PCDHGA5: variants seen among roughly 807,000 people sequenced by gnomAD.
PCDHGA5 encodes the protein protocadherin gamma-A5.
In PCDHGA5, 36 loss-of-function variants were observed where a neutral mutation model predicts 56.7. The ratio of observed to expected loss-of-function variants is 0.64; its 90% CI spans 0.49 to 0.84. The LOEUF is 0.84. Among genes scored for constraint, PCDHGA5 ranks in the 40% least tolerant of loss-of-function variants. PCDHGA5 has a pLI of 0.00. For synonymous variants in PCDHGA5, 563 were observed against 520.2 expected (o/e 1.08, Z -1.12); for missense variants, 1,305 against 1,201.5 (o/e 1.09, Z -1.27).
intron 1 of PCDHGA5, among the ~76,000 whole-genome samples, chr5:141,456,778 C>T (rs568292085): frequency 3.7e-4 from 57 of 152,242 alleles, no homozygotes; most frequent in African/African-American, 1.3e-3. Flanking sequence ...GCCTGGCCTA[C>T]ATGGCAAAAC....
At chr5:141,394,311 C>G in intron 1 of PCDHGA5, 3 of 1,613,986 alleles carry the variant, frequency 1.9e-6, no homozygotes, top group Non-Finnish European at 1.7e-6. Context: ...GCAGGGGGCG[C>G]CCCTGTCCTC....
intron 1 of PCDHGA5, among the ~76,000 whole-genome samples, chr5:141,369,043 C>A (rs187962324): frequency 6.6e-6 from 1 of 152,148 alleles, no homozygotes; most frequent in Non-Finnish European, 1.5e-5. Flanking sequence ...TTTAGAGTAA[C>A]AATACATTAT....
chr5:141,401,370 G>A (rs1226150761), intron 1 of PCDHGA5, among the ~76,000 whole-genome samples: 1 of 152,028 alleles, frequency 6.6e-6, no homozygotes, highest in Non-Finnish European at 1.5e-5. Flanking sequence ...AGGAGAGGAA[G>A]AAGAAGAAAA....
At chr5:141,444,188 T>TTTTTTTTTTG (rs2098424052) in intron 1 of PCDHGA5, among the ~76,000 whole-genome samples, 1 of 129,374 alleles carries the variant, frequency 7.7e-6, no homozygotes, top group African/African-American at 3.1e-5. Flanking sequence ...TTTTTTTTTT[T>TTTTTTTTTTG]GAGATGGAGT....
Position 141,433,359 on chromosome 5 carries a change from CTAT to C in PCDHGA5, c.2422-61447_2422-61445del, listed in dbSNP as rs2097588942. 4 of 228,708 alleles carry C rather than the reference CTAT, an allele frequency of 1.7e-5. No homozygotes were observed. In the African/African-American group the frequency reaches 3.4e-4, roughly 19 times the overall value. The allele number at this position is 228,708 out of a possible 1,614,324, so 14.2% of individuals were successfully genotyped here. ...CAGGTGCAAGCCACCTACTGTCTGC[CTAT>C]CTATCTATCTATCTATCTATCTATC... On this transcript the variant is annotated intron_variant, in intron 1 of 3. Coordinates refer to ENST00000518069, the MANE Select transcript of PCDHGA5 (RefSeq NM_018918.3).
At chr5:141,458,594 G>T (rs1226490392) in intron 1 of PCDHGA5, among the ~76,000 whole-genome samples, 1 of 151,612 alleles carries the variant, frequency 6.6e-6, no homozygotes, top group Non-Finnish European at 1.5e-5. Context: ...TTTTGGAGAC[G>T]AGTCTCACTC....
intron 1 of PCDHGA5, chr5:141,384,825 C>G (rs570988671): frequency 6.2e-7 from 1 of 1,613,356 alleles, no homozygotes; most frequent in Non-Finnish European, 8.5e-7. Context: ...AGCAGAGCCT[C>G]GTGGTGGCCG....
chr5:141,450,006 C>CTATTTTTTT (rs70988802), intron 1 of PCDHGA5, among the ~76,000 whole-genome samples: 8 of 132,970 alleles, frequency 6.0e-5, no homozygotes, highest in African/African-American at 8.4e-5. Context: ...TGCCATGTCT[C>CTATTTTTTT]TTTTTTTTTT....
At chr5:141,368,499 G>C (rs1391228187) in intron 1 of PCDHGA5, among the ~76,000 whole-genome samples, 2 of 152,070 alleles carry the variant, frequency 1.3e-5, no homozygotes, top group African/African-American at 2.4e-5. Context: ...TATACAGTAG[G>C]TGTCGACATT....
intron 1 of PCDHGA5, chr5:141,375,706 T>C: frequency 6.2e-7 from 1 of 1,614,232 alleles, no homozygotes; most frequent in Non-Finnish European, 8.5e-7. Flanking sequence ...GGGACCCGCC[T>C]CTTAGCAGCA....
chr5:141,409,295 G>A, intron 1 of PCDHGA5: 1 of 1,613,992 alleles, frequency 6.2e-7, no homozygotes, highest in Non-Finnish European at 8.5e-7. Context: ...TCCAGGAATG[G>A]TTGTTGCCCT....
chr5:141,385,190 G>A (rs899564761), intron 1 of PCDHGA5: 5 of 1,614,048 alleles, frequency 3.1e-6, no homozygotes, highest in African/African-American at 1.3e-5. Context: ...GCGGACTCTC[G>A]GAAGAGTCAC....
intron 1 of PCDHGA5, chr5:141,377,207 A>T (rs1170353646): frequency 6.6e-6 from 1 of 152,122 alleles, no homozygotes; most frequent in Non-Finnish European, 1.5e-5. Context: ...GATTGAGTAC[A>T]TCTCGTTTCT....
chr5:141,505,597 T>C, intron 3 of PCDHGA5, 116 bp downstream of exon 3: 1 of 1,558,330 alleles, frequency 6.4e-7, no homozygotes, highest in Non-Finnish European at 8.7e-7. Context: ...TCCAGATCTT[T>C]CGGCAGGTCT....
intron 1 of PCDHGA5, chr5:141,415,463 T>G: frequency 6.2e-7 from 1 of 1,614,228 alleles, no homozygotes; most frequent in South Asian, 1.1e-5. Flanking sequence ...GAGGTCTCTC[T>G]CACCGCGGAC....
At position 141,365,296 on chromosome 5, in the gene PCDHGA5, G is replaced by A; in HGVS notation, c.966G>A (p.Gln322=). 2 of 1,614,002 alleles carry A rather than the reference G, an allele frequency of 1.2e-6. No individual in the cohort carries two copies. Among genetic ancestry groups the A allele is most frequent in the Non-Finnish European group, 1.7e-6 (2 of 1,179,894 alleles). ...TCTACCTCATGGAAGTGGTAGCTCA[G>A]GATGGAGGCGCTCTTGTTGCCAGCG... ...SRFYLMEVVA[Q]DGGALVASAK... The change falls in exon 1 of 4, where the codon CAG becomes CAA. Residue 322 remains glutamine (Q), a synonymous_variant. Transcript: ENST00000518069.
chr5:141,505,583 T>A, intron 3 of PCDHGA5, 102 bp downstream of exon 3: 1 of 1,583,650 alleles, frequency 6.3e-7, no homozygotes, highest in Non-Finnish European at 8.6e-7. Context: ...ACCTGTGTAG[T>A]TTCTCCAGAT....
chr5:141,475,980 C>G (rs758066578), intron 1 of PCDHGA5: 3 of 1,028,500 alleles, frequency 2.9e-6, no homozygotes, highest in Admixed American at 2.4e-5. Context: ...ACTGAACAGC[C>G]GGCGAGCAAA....
At chr5:141,414,748 G>T (rs765780935) in intron 1 of PCDHGA5, 1 of 1,614,182 alleles carries the variant, frequency 6.2e-7, no homozygotes, top group South Asian at 1.1e-5. Context: ...CAGATCCTTC[G>T]ACTATGAGCA....
Sources: gnomAD v4.1 joint callset for allele counts (sites outside exome capture counted in the v4.1 genomes callset) on GRCh38, gnomAD v4.1.1 for gene constraint, MANE v1.5 for transcripts, NCBI Gene and HGNC (gene_info 2026-07-23, HGNC 2026-07-21) for gene names.